The following GLI2 variants were observed in gnomAD, a reference collection of about 807,000 sequenced individuals.
The protein encoded by GLI2 is GLI family zinc finger 2, also known as transcription activator GLI2.
In GLI2, 22 loss-of-function variants were observed where a neutral mutation model predicts 78.9. The observed-to-expected ratio is 0.28, with a 90% CI of 0.20 to 0.40. The LOEUF (loss-of-function observed/expected upper bound fraction) is 0.40. GLI2 is among the 10% of genes least tolerant of loss of function. The pLI, the probability that GLI2 is intolerant of heterozygous loss-of-function variation, is 1.00. For synonymous variants in GLI2, 974 were observed against 963.7 expected, an observed-to-expected ratio of 1.01 and a Z score of -0.20; for missense variants, 2,097 against 2,213.2, an observed-to-expected ratio of 0.95 and a Z score of 1.05.
intron 2 of GLI2, among the ~76,000 whole-genome samples, chr2:120,925,576 T>A (rs984230764): frequency 6.6e-6 from 1 of 152,198 alleles, no homozygotes; most frequent in Non-Finnish European, 1.5e-5. Flanking sequence ...GGACAAATAC[T>A]GTCTGATCTT....
Position 120,815,702 on chromosome 2 carries a change from C to T in GLI2, c.148+18234C>T, listed in dbSNP as rs1346053965. ...TGCCCTCCCCATACCAGTTAGAGTC[C>T]GATCAGTGGAGTAGAATCACCGTGA... On this transcript the variant is annotated intron_variant, in intron 2 of 13. Coordinates refer to ENST00000361492, the MANE Select transcript of GLI2 (RefSeq NM_001374353.1). Among the ~76,000 whole-genome samples, 3 of 149,670 alleles carry T rather than the reference C, an allele frequency of 2.0e-5. No homozygotes were observed. In the East Asian group the frequency reaches 5.8e-4, roughly 29 times the overall value.
chr2:120,746,390 C>A (rs146933434), intron 1 of GLI2, among the ~76,000 whole-genome samples: 1 of 152,148 alleles, frequency 6.6e-6, no homozygotes, highest in South Asian at 2.1e-4. Flanking sequence ...CTGCACCCCC[C>A]CAGAAGCTGC....
chr2:120,988,704 C>T lies in GLI2; in HGVS notation c.2739C>T (p.Gly913=). ...LDAPERTLPA[G]CPRPLGPRRG... ...CGCCCGAGCGCACGCTGCCCGCCGG[C>T]TGCCCACGCCCACTGGGGCCGCGGC... The change falls in exon 14 of 14, where the codon GGC becomes GGT. Residue 913 remains glycine (G), a synonymous_variant. Coordinates refer to ENST00000361492, the MANE Select transcript of GLI2 (RefSeq NM_001374353.1). 8.1e-7 allele frequency: 1 copy of T among 1,232,294 alleles called. No individual in the cohort carries two copies. The highest frequency in any genetic ancestry group is 1.0e-6 in the Non-Finnish European group (1 of 981,860). 76.3% of individuals were successfully genotyped at this position (1,232,294 alleles called of 1,614,324 possible).
intron 1 of GLI2, among the ~76,000 whole-genome samples, chr2:120,750,307 G>A (rs1326125426): frequency 6.6e-6 from 1 of 152,256 alleles, no homozygotes; most frequent in Admixed American, 6.5e-5. Flanking sequence ...GCATAAGCCA[G>A]CAGGGCATCA....
intron 1 of GLI2, among the ~76,000 whole-genome samples, chr2:120,770,010 G>C (rs973777967): frequency 6.6e-6 from 1 of 152,186 alleles, no homozygotes; most frequent in Non-Finnish European, 1.5e-5. Context: ...GGAGGGAGCT[G>C]CCTGGGTCAT....
intron 2 of GLI2, among the ~76,000 whole-genome samples, chr2:120,866,946 A>G (rs1688165917): frequency 6.6e-6 from 1 of 152,156 alleles, no homozygotes; most frequent in Non-Finnish European, 1.5e-5. Flanking sequence ...CACTGCCCGC[A>G]GGGACTCCAC....
At chr2:120,783,779 A>C (rs1683915173) in intron 1 of GLI2, among the ~76,000 whole-genome samples, 1 of 152,156 alleles carries the variant, frequency 6.6e-6, no homozygotes, top group Non-Finnish European at 1.5e-5. Context: ...ATTTAAGAGA[A>C]GGGAACTTTT....
chr2:120,932,711 A>G (rs1312801426), intron 3 of GLI2, among the ~76,000 whole-genome samples: 2 of 152,240 alleles, frequency 1.3e-5, no homozygotes, highest in Non-Finnish European at 2.9e-5. Flanking sequence ...AGCGTCTAGA[A>G]CACTTTGGAA....
intron 2 of GLI2, among the ~76,000 whole-genome samples, chr2:120,802,389 T>C (rs1684746005): frequency 6.6e-6 from 1 of 152,218 alleles, no homozygotes; most frequent in South Asian, 2.1e-4. Context: ...GGCAGAAGCC[T>C]GGGAGGGCGA....
At chr2:120,942,862 T>TTTCATTCA (rs548470143) in intron 3 of GLI2, among the ~76,000 whole-genome samples, 1 of 9,854 alleles carries the variant, frequency 1.0e-4, no homozygotes, top group African/African-American at 1.1e-4. Flanking sequence ...TCACGCCCTC[T>TTTCATTCA]TTCATTCATT....
At chr2:120,967,192 G>A (rs1212088970) in intron 5 of GLI2, among the ~76,000 whole-genome samples, 1 of 152,216 alleles carries the variant, frequency 6.6e-6, no homozygotes, top group Non-Finnish European at 1.5e-5. Flanking sequence ...GGGTGGGCAG[G>A]GGCCAGCGGG....
rs13417967 is a variant in GLI2 at position 120,791,235 on chromosome 2, G to A, written c.-30-6056G>A. ...TTCCCCACGTCCCTATCTCCTTCAG[G>A]GTGGAGGAGTGAGTGTAAATTTGTC... On this transcript the variant is annotated intron_variant, in intron 1 of 13. Transcript: ENST00000361492. Among the ~76,000 whole-genome samples the A allele has an allele frequency of 1.7e-3, 263 of 152,310 alleles. 1 individual carries two copies. The highest frequency in any genetic ancestry group is 5.8e-3 in the African/African-American group (242 of 41,572).
intron 11 of GLI2, among the ~76,000 whole-genome samples, chr2:120,983,639 G>A (rs1405466263): frequency 6.6e-6 from 1 of 152,240 alleles, no homozygotes; most frequent in African/African-American, 2.4e-5. Flanking sequence ...CCCTGGGTAG[G>A]CAGAGCCCCT....
intron 2 of GLI2, among the ~76,000 whole-genome samples, chr2:120,910,057 C>T (rs991170083): frequency 3.9e-5 from 6 of 152,154 alleles, no homozygotes; most frequent in African/African-American, 1.4e-4. Flanking sequence ...ATAGCTGGGG[C>T]TGTGGGTCCC....
intron 2 of GLI2, among the ~76,000 whole-genome samples, chr2:120,853,928 G>T (rs1687524071): frequency 6.9e-6 from 1 of 145,922 alleles, no homozygotes; most frequent in Non-Finnish European, 1.5e-5. Flanking sequence ...AGCAGCTTGG[G>T]GGTAACAGCC....
chr2:120,741,393 TTCTG>T (rs1011269356), intron 1 of GLI2, among the ~76,000 whole-genome samples: 4 of 151,444 alleles, frequency 2.6e-5, no homozygotes, highest in African/African-American at 4.8e-5. Flanking sequence ...CGTCCGTCCT[TTCTG>T]TCTTTTTCTT....
chr2:120,767,475 T>C (rs1043923425), intron 1 of GLI2, among the ~76,000 whole-genome samples: 2 of 152,226 alleles, frequency 1.3e-5, no homozygotes, highest in Admixed American at 6.5e-5. Flanking sequence ...CAAACAATTA[T>C]GGGTCTCCTC....
At chr2:120,961,094 AC>A (rs1255030457) in intron 5 of GLI2, among the ~76,000 whole-genome samples, 1 of 151,752 alleles carries the variant, frequency 6.6e-6, no homozygotes, top group Non-Finnish European at 1.5e-5. Context: ...CAGAACAGCC[AC>A]CCCCTCCCCC....
At chr2:120,979,801 AT>A (rs1682627089) in intron 10 of GLI2, among the ~76,000 whole-genome samples, 1 of 151,956 alleles carries the variant, frequency 6.6e-6, no homozygotes, top group South Asian at 2.1e-4. Flanking sequence ...GCCCCTCCTA[AT>A]TCTGTCCTTC....
Sources: allele counts gnomAD v4.1 joint callset (sites outside exome capture counted in the v4.1 genomes callset), GRCh38; gene constraint gnomAD v4.1.1; transcripts MANE v1.5; gene names NCBI Gene and HGNC (gene_info 2026-07-23, HGNC 2026-07-21).